Variants in RYR3 observed in about 807,000 individuals in gnomAD.
RYR3 encodes the protein brain ryanodine receptor-calcium release channel.
A neutral mutation model predicts 584.3 loss-of-function variants in RYR3; 207 were observed. The observed-to-expected ratio is 0.35, with a 90% CI of 0.32 to 0.40. The LOEUF (loss-of-function observed/expected upper bound fraction) is 0.40, where lower values mean the gene tolerates loss of function less well. Among genes scored for constraint, RYR3 ranks in the 10% least tolerant of loss-of-function variants. The pLI is 1.00. For synonymous variants in RYR3, 2,416 were observed against 2,248.5 expected, an observed-to-expected ratio of 1.07 and a Z score of -2.11; for missense variants, 5,616 against 6,089.2, an observed-to-expected ratio of 0.92 and a Z score of 2.59.
At chr15:33,783,135 C>A (rs1255485925) in intron 65 of RYR3, among the ~76,000 whole-genome samples, 4 of 152,206 alleles carry the variant, frequency 2.6e-5, no homozygotes, top group Non-Finnish European at 4.4e-5. Context: ...TTCTAACGCG[C>A]ATCAGAATCA....
At chr15:33,371,685 A>G (rs1287142438) in intron 1 of RYR3, among the ~76,000 whole-genome samples, 1 of 152,236 alleles carries the variant, frequency 6.6e-6, no homozygotes, top group Non-Finnish European at 1.5e-5. Context: ...ACAGACACCT[A>G]GCGGGAGGAT....
At chr15:33,566,912 A>G in intron 12 of RYR3, 113 bp downstream of exon 12, 1 of 1,206,882 alleles carries the variant, frequency 8.3e-7, no homozygotes, top group Non-Finnish European at 1.2e-6. Context: ...ATGATACACC[A>G]GCAAAGAGTT....
chr15:33,465,940 A>G (rs1448851200), intron 1 of RYR3, among the ~76,000 whole-genome samples: 1 of 152,118 alleles, frequency 6.6e-6, no homozygotes, highest in Non-Finnish European at 1.5e-5. Context: ...AACCCCAGAG[A>G]ATAGAGTTGC....
chr15:33,759,881 C>T (rs1392612062), intron 60 of RYR3, among the ~76,000 whole-genome samples: 1 of 152,104 alleles, frequency 6.6e-6, no homozygotes, highest in Non-Finnish European at 1.5e-5. Context: ...ATGTTAAGGG[C>T]AGCCAGAGAG....
Position 33,580,071 on chromosome 15 carries a change from A to AGG in RYR3, c.1365_1366dup (p.Glu456GlyfsTer32). ...ATCGCCTACTTCCAGCCCCCAGAGGAGGAGATGCGACATGAAGACAAGCAG... is the reference window on the plus strand; with the variant it reads ...ATCGCCTACTTCCAGCCCCCAGAGGAGGGGAGATGCGACATGAAGACAAGCAG... On this transcript the variant is annotated frameshift_variant, in exon 13 of 104. Transcript: ENST00000634891. LOFTEE classifies it high-confidence loss of function. 1 of 1,613,664 alleles carries AGG rather than the reference A, an allele frequency of 6.2e-7. No homozygotes were observed. Among genetic ancestry groups the AGG allele is most frequent in the Non-Finnish European group, 8.5e-7 (1 of 1,179,746 alleles).
chr15:33,347,539 C>CG (rs1335652039), intron 1 of RYR3, among the ~76,000 whole-genome samples: 1 of 151,712 alleles, frequency 6.6e-6, no homozygotes, highest in African/African-American at 2.4e-5. Flanking sequence ...CTCCGCCTCC[C>CG]GGGGTCATGC....
At chr15:33,642,660 T>C (rs947342147) in intron 27 of RYR3, among the ~76,000 whole-genome samples, 1 of 152,176 alleles carries the variant, frequency 6.6e-6, no homozygotes, top group African/African-American at 2.4e-5. Context: ...TTCCAAAGGT[T>C]CTTTATTTAT....
At chr15:33,773,370 A>G (rs575748022) in intron 63 of RYR3, among the ~76,000 whole-genome samples, 164 bp from the exon 64 acceptor site, 3 of 152,176 alleles carry the variant, frequency 2.0e-5, no homozygotes, top group Non-Finnish European at 2.9e-5. Context: ...TAGTCCAGCA[A>G]TTAGCAAACT....
chr15:33,522,827 C>A (rs2054103979), intron 3 of RYR3, among the ~76,000 whole-genome samples: 1 of 152,160 alleles, frequency 6.6e-6, no homozygotes, highest in Admixed American at 6.5e-5. Context: ...CTCATCTGTG[C>A]ATGTGCCCCT....
chr15:33,512,745 A>G (rs1249451599), intron 3 of RYR3, among the ~76,000 whole-genome samples: 3 of 152,190 alleles, frequency 2.0e-5, no homozygotes, highest in African/African-American at 7.2e-5. Context: ...CTGCTTCTCC[A>G]TGGCTGGACT....
At position 33,699,837 on chromosome 15, in the gene RYR3, C is replaced by A. The variant is rs779320284; in HGVS notation, c.6379+4C>A. The stretch of plus-strand genomic sequence containing the variant: ...GAGAATAGCAGTGTTGGCCTAGGTG[C>A]GTAAGTCTTCTTGTAACTTCCACAT... On this transcript the variant is annotated splice_donor_region_variant and intron_variant, in intron 41 of 103. Transcript: ENST00000634891. 6.2e-7 allele frequency: 1 copy of A among 1,608,614 alleles called. No homozygotes were observed. Among genetic ancestry groups the A allele is most frequent in the East Asian group, 2.2e-5 (1 of 44,700 alleles).
At chr15:33,581,046 C>T (rs553683138) in intron 13 of RYR3, among the ~76,000 whole-genome samples, 8 of 10,624 alleles carry the variant, frequency 7.5e-4, no homozygotes, top group South Asian at 9.5e-3. Context: ...TGCAGGGGGC[C>T]GGGGGGGTGG....
Position 33,746,392 on chromosome 15 carries a change from T to G in RYR3, c.7989+235T>G, listed in dbSNP as rs186867871. On this transcript the variant is annotated intron_variant, in intron 53 of 103. Transcript: ENST00000634891. ...GAGGCCATTGGTGAAAGAAGCATTGTTCAGCACTTTGAGGCTGGGCCAAAA... is the reference window on the plus strand; with the variant it reads ...GAGGCCATTGGTGAAAGAAGCATTGGTCAGCACTTTGAGGCTGGGCCAAAA... Among the ~76,000 whole-genome samples the G allele has an allele frequency of 3.2e-3, 483 of 152,314 alleles. 4 individuals are homozygous for G. The highest frequency in any genetic ancestry group is 5.7e-3 in the Non-Finnish European group (391 of 68,020).
chr15:33,729,571 A>T (rs544701010), intron 47 of RYR3, among the ~76,000 whole-genome samples: 1 of 152,316 alleles, frequency 6.6e-6, no homozygotes, highest in African/African-American at 2.4e-5. Flanking sequence ...ACGAAGGTCA[A>T]TACAAGAGGA....
intron 1 of RYR3, among the ~76,000 whole-genome samples, chr15:33,392,664 C>T (rs941063604): frequency 2.0e-5 from 3 of 152,104 alleles, no homozygotes; most frequent in African/African-American, 7.2e-5. Flanking sequence ...CTAACAGGCT[C>T]CTGTGGGTAG....
chr15:33,327,165 C>G (rs1022483300), intron 1 of RYR3, among the ~76,000 whole-genome samples: 1 of 151,852 alleles, frequency 6.6e-6, no homozygotes, highest in African/African-American at 2.4e-5. Flanking sequence ...TTAAAGGTGA[C>G]AGAAAAAAAA....
chr15:33,515,476 G>A (rs961481419), intron 3 of RYR3, among the ~76,000 whole-genome samples: 5 of 152,232 alleles, frequency 3.3e-5, no homozygotes, highest in Non-Finnish European at 7.3e-5. Context: ...CAATAATATA[G>A]TCTCTACCTG....
At chr15:33,688,159 A>G (rs1370415583) in intron 38 of RYR3, among the ~76,000 whole-genome samples, 1 of 152,088 alleles carries the variant, frequency 6.6e-6, no homozygotes, top group African/African-American at 2.4e-5. Context: ...TTTGCAATCT[A>G]CTCATCTGAC....
intron 24 of RYR3, among the ~76,000 whole-genome samples, chr15:33,633,349 G>A (rs1243411458): frequency 6.6e-6 from 1 of 152,206 alleles, no homozygotes; most frequent in African/African-American, 2.4e-5. Context: ...ATGAAATGGA[G>A]GGGAAGCTAG....
Sources: allele counts gnomAD v4.1 joint callset (sites outside exome capture counted in the v4.1 genomes callset), GRCh38; gene constraint gnomAD v4.1.1; transcripts MANE v1.5; gene names NCBI Gene and HGNC (gene_info 2026-07-23, HGNC 2026-07-21).